ABLIM1: variants seen among roughly 807,000 people sequenced by gnomAD.
ABLIM1 encodes actin-binding LIM protein 1.
A neutral mutation model predicts 107.0 loss-of-function variants in ABLIM1; 40 were observed. The ratio of observed to expected loss-of-function variants is 0.37; its 90% CI spans 0.29 to 0.49. ABLIM1 has a LOEUF of 0.49. ABLIM1 is among the 20% of genes least tolerant of loss of function. The pLI is 0.97. For synonymous variants in ABLIM1, 357 were observed against 357.3 expected (o/e 1.00, Z 0.01); for missense variants, 857 against 1,008.5 (o/e 0.85, Z 2.04).
chr10:114,775,021 T>C, the ABLIM1 span, among the ~76,000 whole-genome samples: 2 of 152,044 alleles, frequency 1.3e-5, no homozygotes, highest in East Asian at 3.9e-4. Flanking sequence ...TTTAATTGAC[T>C]CACATTTTGG....
chr10:114,697,129 G>GC (rs977378242), intron 1 of ABLIM1, among the ~76,000 whole-genome samples: 1 of 152,104 alleles, frequency 6.6e-6, no homozygotes, highest in African/African-American at 2.4e-5. Flanking sequence ...CACAAAACAC[G>GC]CCCCTTCCCT....
At chr10:114,623,703 C>A (rs1392082280) in intron 1 of ABLIM1, among the ~76,000 whole-genome samples, 1 of 152,216 alleles carries the variant, frequency 6.6e-6, no homozygotes, top group Non-Finnish European at 1.5e-5. Context: ...ATCAGAAACT[C>A]TGAGGGCAGG....
At chr10:114,593,558 A>G (rs2075127100) in intron 2 of ABLIM1, among the ~76,000 whole-genome samples, 1 of 152,182 alleles carries the variant, frequency 6.6e-6, no homozygotes, top group Non-Finnish European at 1.5e-5. Flanking sequence ...ACTCTTGTAT[A>G]ATGAGTTGCA....
chr10:114,783,768 A>G, the ABLIM1 span, among the ~76,000 whole-genome samples: 968 of 152,092 alleles, frequency 6.4e-3, 14 homozygotes, highest in African/African-American at 0.022. Context: ...TGTGGTGTAA[A>G]TACTGTCACT....
chr10:114,604,103 A>T (rs1181085272), intron 1 of ABLIM1, among the ~76,000 whole-genome samples: 1 of 152,186 alleles, frequency 6.6e-6, no homozygotes, highest in Non-Finnish European at 1.5e-5. Flanking sequence ...GTGTTTACAT[A>T]AGCCACTTTA....
chr10:114,472,991 G>A lies in ABLIM1; in HGVS notation c.1261C>T (p.Gln421Ter). ...GAATGTATTACCTCTCCAAGGCTCT[G>A]TCTCTCCTGTTTGTCATCATAGCCC... The part of the protein sequence containing the change: ...TSGYDDKQER[Q>*]SLGESPRTLS... Residue 421 changes from glutamine to a stop codon, truncating the protein, a stop_gained, in exon 10 of 23, where the codon CAG becomes TAG. Coordinates refer to ENST00000533213, the MANE Select transcript of ABLIM1 (RefSeq NM_002313.7). LOFTEE classifies it high-confidence loss of function. 1.2e-6 allele frequency: 2 copies of A among 1,603,234 alleles called. No homozygotes were observed. Among genetic ancestry groups the A allele is most frequent in the Non-Finnish European group, 1.7e-6 (2 of 1,174,128 alleles).
chr10:114,634,071 G>A (rs2078334690), intron 1 of ABLIM1, among the ~76,000 whole-genome samples: 1 of 144,640 alleles, frequency 6.9e-6, no homozygotes, highest in Non-Finnish European at 1.5e-5. Flanking sequence ...GGTTTCTAGA[G>A]CAAACCCGAT....
chr10:114,784,535 C>T, the ABLIM1 span, among the ~76,000 whole-genome samples: 5 of 146,116 alleles, frequency 3.4e-5, no homozygotes, highest in South Asian at 2.2e-4. Flanking sequence ...GGCGTGGTGG[C>T]GGGCGCCTGT....
At chr10:114,745,986 C>T (rs573296874) in intron 1 of ABLIM1, among the ~76,000 whole-genome samples, 23 of 152,194 alleles carry the variant, frequency 1.5e-4, no homozygotes, top group African/African-American at 4.8e-4. Flanking sequence ...TAGATATAGA[C>T]AAATCATGTT....
chr10:114,557,935 C>A (rs1263671205), intron 4 of ABLIM1, among the ~76,000 whole-genome samples: 6 of 151,068 alleles, frequency 4.0e-5, no homozygotes, highest in South Asian at 2.1e-4. Flanking sequence ...GCTTCCTTAC[C>A]CCCTCCTTAG....
At chr10:114,618,088 A>G (rs912721336) in intron 1 of ABLIM1, among the ~76,000 whole-genome samples, 2 of 152,244 alleles carry the variant, frequency 1.3e-5, no homozygotes, top group African/African-American at 4.8e-5. Flanking sequence ...CTATGCTTAT[A>G]TCAACTCAGT....
At chr10:114,538,272 G>A (rs939596458) in intron 6 of ABLIM1, among the ~76,000 whole-genome samples, 1 of 152,184 alleles carries the variant, frequency 6.6e-6, no homozygotes, top group African/African-American at 2.4e-5. Flanking sequence ...CAAGGAAAAG[G>A]ATTTGGCTGA....
In ABLIM1 at chr10:114,432,194, A is replaced by C. The variant is rs1419610750; in HGVS notation, c.*4066T>G. The C allele has an allele frequency of 6.6e-6, 1 of 152,246 alleles. No individual in the cohort carries two copies. Among genetic ancestry groups the C allele is most frequent in the African/African-American group, 2.4e-5 (1 of 41,472 alleles). 9.4% of individuals were successfully genotyped at this position (152,246 alleles called of 1,614,324 possible). On this transcript the variant is annotated 3_prime_UTR_variant, in exon 23 of 23. Transcript: ENST00000533213. ...CAAACACTTCATTGGTTAGAAGAGA[A>C]TAATTGTAAAAATCAAATAAAATTG...
At chr10:114,450,657 G>A (rs564720716) in intron 14 of ABLIM1, among the ~76,000 whole-genome samples, 3 of 151,952 alleles carry the variant, frequency 2.0e-5, no homozygotes, top group East Asian at 1.9e-4. Context: ...GGTTGGGCTG[G>A]TCTTGAACTC....
chr10:114,492,922 C>A (rs1002106275), intron 6 of ABLIM1, among the ~76,000 whole-genome samples: 2 of 152,056 alleles, frequency 1.3e-5, no homozygotes, highest in Admixed American at 1.3e-4. Context: ...TGGTGGTTAG[C>A]CCTTTAAGAT....
intron 1 of ABLIM1, among the ~76,000 whole-genome samples, chr10:114,609,746 T>A (rs2076679898): frequency 6.6e-6 from 1 of 152,198 alleles, no homozygotes; most frequent in South Asian, 2.1e-4. Flanking sequence ...TTGCAAGAAA[T>A]CACTCCAGAA....
intron 1 of ABLIM1, among the ~76,000 whole-genome samples, chr10:114,611,956 C>T (rs763152337): frequency 5.9e-5 from 9 of 152,154 alleles, no homozygotes; most frequent in Middle Eastern, 3.2e-3. Flanking sequence ...GAAGGGACCT[C>T]AGATTAGGGG....
intron 1 of ABLIM1, among the ~76,000 whole-genome samples, chr10:114,726,835 G>T (rs1462309805): frequency 2.0e-5 from 3 of 151,996 alleles, no homozygotes; most frequent in Non-Finnish European, 2.9e-5. Flanking sequence ...AAGCATTCAT[G>T]AGAAATCCGC....
intron 4 of ABLIM1, among the ~76,000 whole-genome samples, chr10:114,555,671 CACTGAGAT>C (rs1217158680): frequency 6.6e-6 from 1 of 152,128 alleles, no homozygotes; most frequent in Non-Finnish European, 1.5e-5. Flanking sequence ...CTTGCTGAGA[CACTGAGAT>C]AACTGAGACT....
Sources: gnomAD v4.1 joint callset for allele counts (sites outside exome capture counted in the v4.1 genomes callset) on GRCh38, gnomAD v4.1.1 for gene constraint, MANE v1.5 for transcripts, NCBI Gene and HGNC (gene_info 2026-07-23, HGNC 2026-07-21) for gene names.